ARRB1: variants seen among roughly 807,000 people sequenced by gnomAD.
The protein encoded by ARRB1 is arrestin beta 1.
In ARRB1, 21 loss-of-function variants were observed where a neutral mutation model predicts 56.8. The observed-to-expected ratio is 0.37, with a 90% CI of 0.26 to 0.53. The LOEUF is 0.53. Among genes scored for constraint, ARRB1 ranks in the 20% least tolerant of loss-of-function variants. ARRB1 has a pLI of 0.88. For missense variants in ARRB1, 424 were observed against 553.7 expected, an observed-to-expected ratio of 0.77 and a Z score of 2.35; for synonymous variants, 210 against 218.6, an observed-to-expected ratio of 0.96 and a Z score of 0.35.
intron 1 of ARRB1, among the ~76,000 whole-genome samples, chr11:75,330,225 C>G (rs1383385850): frequency 6.6e-6 from 1 of 152,208 alleles, no homozygotes; most frequent in African/African-American, 2.4e-5. Context: ...CTGAACTTAG[C>G]TGAGCCTTCA....
At chr11:75,312,878 A>C (rs1947192103) in intron 1 of ARRB1, among the ~76,000 whole-genome samples, 1 of 152,260 alleles carries the variant, frequency 6.6e-6, no homozygotes, top group African/African-American at 2.4e-5. Flanking sequence ...GAGTTTCCAG[A>C]GGACACAGCC....
intron 1 of ARRB1, chr11:75,306,655 G>C (rs947244495): frequency 1.2e-5 from 15 of 1,287,674 alleles, no homozygotes; most frequent in Non-Finnish European, 1.5e-5. Flanking sequence ...CCTGAGCTGG[G>C]GGCTGCAGGC....
chr11:75,272,910 A>G lies in ARRB1; in HGVS notation c.983T>C (p.Val328Ala). Reference sequence around the variant, plus strand: ...GAGCACTCACCCGCCCCGAGACACCACCAGCTTCACTTTCACTTTGTAGGA... The same window carrying G: ...GAGCACTCACCCGCCCCGAGACACCGCCAGCTTCACTTTCACTTTGTAGGA... Reference protein sequence around the residue: ...IVSYKVKVKLVVSRGGLLGDL... With the variant: ...IVSYKVKVKLAVSRGGLLGDL... Residue 328 changes from valine to alanine, a missense_variant, in exon 12 of 16, where the codon GTG (valine) becomes GCG (alanine). Around this residue, in one of 3 missense-constraint regions of ARRB1, gnomAD observed 121 missense variants for 147.3 expected, o/e 0.82. Coordinates refer to ENST00000420843, the MANE Select transcript of ARRB1 (RefSeq NM_004041.5). The G allele has an allele frequency of 6.2e-7, 1 of 1,614,040 alleles. No individual in the cohort carries two copies. The highest frequency in any genetic ancestry group is 8.5e-7 in the Non-Finnish European group (1 of 1,179,964).
At chr11:75,292,797 T>A (rs1262753220) in intron 1 of ARRB1, among the ~76,000 whole-genome samples, 1 of 152,152 alleles carries the variant, frequency 6.6e-6, no homozygotes. Context: ...AGAACTTTGT[T>A]GAGTGGCTAA....
chr11:75,267,560 T>A, intron 15 of ARRB1, 92 bp downstream of exon 15: 1 of 1,332,004 alleles, frequency 7.5e-7, no homozygotes, highest in Admixed American at 1.9e-5. Context: ...CAGCGGCTCC[T>A]CAGGAGTTAA....
intron 1 of ARRB1, among the ~76,000 whole-genome samples, chr11:75,314,779 G>C (rs955062800): frequency 6.6e-6 from 1 of 151,102 alleles, no homozygotes; most frequent in Non-Finnish European, 1.5e-5. Flanking sequence ...GCTCATTTTT[G>C]TATTTTTTGT....
chr11:75,344,036 C>T (rs993105741), intron 1 of ARRB1, among the ~76,000 whole-genome samples: 5 of 152,092 alleles, frequency 3.3e-5, no homozygotes, highest in South Asian at 2.1e-4. Context: ...AGGATGGTCT[C>T]GAACTCCTGA....
chr11:75,332,162 C>CA (rs1272289946), intron 1 of ARRB1, among the ~76,000 whole-genome samples: 1 of 151,986 alleles, frequency 6.6e-6, no homozygotes, highest in Non-Finnish European at 1.5e-5. Context: ...TTTTCAGACT[C>CA]AGTCTACCTG....
At chr11:75,343,650 TGGGAC>T (rs1947722551) in intron 1 of ARRB1, among the ~76,000 whole-genome samples, 1 of 152,178 alleles carries the variant, frequency 6.6e-6, no homozygotes, top group East Asian at 1.9e-4. Flanking sequence ...GTGTCAGAGC[TGGGAC>T]TGGAAACCAG....
chr11:75,311,900 G>C (rs1156824226), intron 1 of ARRB1, among the ~76,000 whole-genome samples: 3 of 152,158 alleles, frequency 2.0e-5, no homozygotes, highest in African/African-American at 2.4e-5. Context: ...ACACTCCTCC[G>C]GCCACCAGGG....
At chr11:75,272,656 A>C in intron 12 of ARRB1, 3 of 523,646 alleles carry the variant, frequency 5.7e-6, no homozygotes, top group Non-Finnish European at 1.0e-5. Context: ...GAGGAGGAGG[A>C]GAGAGAGAAA....
intron 1 of ARRB1, among the ~76,000 whole-genome samples, chr11:75,308,838 G>A (rs537889309): frequency 6.6e-6 from 1 of 152,264 alleles, no homozygotes; most frequent in South Asian, 2.1e-4. Context: ...GGGCGCAAGT[G>A]AGCCTCCCAC....
chr11:75,319,713 G>T (rs1260822520), intron 1 of ARRB1, among the ~76,000 whole-genome samples: 1 of 152,184 alleles, frequency 6.6e-6, no homozygotes, highest in Non-Finnish European at 1.5e-5. Flanking sequence ...GTCAGGCCAG[G>T]ATGTACGCTG....
intron 1 of ARRB1, among the ~76,000 whole-genome samples, chr11:75,320,700 G>A (rs1947335372): frequency 5.9e-5 from 9 of 152,186 alleles, no homozygotes; most frequent in Admixed American, 5.9e-4. Flanking sequence ...ACCTCAGCTG[G>A]GCTGGCTCCA....
intron 1 of ARRB1, chr11:75,306,501 C>A: frequency 1.1e-6 from 1 of 914,614 alleles, no homozygotes; most frequent in Admixed American, 2.3e-5. Flanking sequence ...CATGTAAATC[C>A]CAGAAAGAGA....
intron 13 of ARRB1, chr11:75,271,339 T>C (rs1946070959): frequency 5.2e-6 from 1 of 191,022 alleles, no homozygotes; most frequent in South Asian, 1.7e-4. Flanking sequence ...TTAGCAACAC[T>C]TGGCCAGCAG....
chr11:75,329,787 G>T (rs1247179627), intron 1 of ARRB1, among the ~76,000 whole-genome samples: 1 of 152,106 alleles, frequency 6.6e-6, no homozygotes, highest in Admixed American at 6.5e-5. Flanking sequence ...GAGCCCAAGA[G>T]TTTGAGACCA....
intron 1 of ARRB1, among the ~76,000 whole-genome samples, chr11:75,302,751 A>G (rs1301105133): frequency 6.6e-6 from 1 of 152,192 alleles, no homozygotes; most frequent in African/African-American, 2.4e-5. Context: ...GACTCAACAC[A>G]GGGAAGCTGA....
chr11:75,269,183 T>C (rs1169485815), intron 13 of ARRB1: 1 of 737,992 alleles, frequency 1.4e-6, no homozygotes, highest in African/African-American at 1.7e-5. Context: ...AAGCCTCCTC[T>C]TTCCTGAGAA....
Sources: allele counts gnomAD v4.1 joint callset (sites outside exome capture counted in the v4.1 genomes callset), GRCh38; gene constraint gnomAD v4.1.1; regional missense constraint gnomAD v4.1.1; transcripts MANE v1.5; gene names NCBI Gene and HGNC (gene_info 2026-07-23, HGNC 2026-07-21).